The following RABL6 variants were observed in gnomAD, a reference collection of about 807,000 sequenced individuals.
RABL6 encodes rab-like protein 6.
A neutral mutation model predicts 72.9 loss-of-function variants in RABL6; 28 were observed. The ratio of observed to expected loss-of-function variants is 0.38; its 90% CI spans 0.28 to 0.53. The LOEUF (loss-of-function observed/expected upper bound fraction) is 0.53, where lower values mean the gene tolerates loss of function less well. Among genes scored for constraint, RABL6 ranks in the 20% least tolerant of loss-of-function variants. The pLI is 0.80. For missense variants in RABL6, 1,029 were observed against 1,008.4 expected, an observed-to-expected ratio of 1.02 and a Z score of -0.28; for synonymous variants, 477 against 421.2, an observed-to-expected ratio of 1.13 and a Z score of -1.62.
Position 136,808,259 on chromosome 9 carries a change from C to T in RABL6, c.63C>T (p.Ile21=). ...AGGCCCCGGGCCGGGACAAGAACAT[C>T]CCCGCCGGGCTGCAGTCCATGAACC... is the stretch of plus-strand genomic sequence containing the variant. ...SDQAPGRDKN[I]PAGLQSMNQA... is the part of the protein sequence containing the mutation. Residue 21 remains isoleucine (I), a synonymous_variant, in exon 1 of 15, where the codon ATC becomes ATT. Coordinates refer to ENST00000311502, the MANE Select transcript of RABL6 (RefSeq NM_024718.5). The T allele has an allele frequency of 6.4e-7, 1 of 1,565,882 alleles. No individual in the cohort carries two copies. Among genetic ancestry groups the T allele is most frequent in the Non-Finnish European group, 8.6e-7 (1 of 1,157,526 alleles).
In RABL6 at chr9:136,838,935, C is replaced by T. The variant is rs759508981; in HGVS notation, c.1307C>T (p.Pro436Leu). ...DSDGEALGGN[P>L]MVAGFQDDVD... ...GATGGGGAGGCCCTGGGCGGCAACCCGATGGTGGCAGGGTTCCAGGACGAT... is the reference window on the plus strand; with the variant it reads ...GATGGGGAGGCCCTGGGCGGCAACCTGATGGTGGCAGGGTTCCAGGACGAT... The change falls in exon 11 of 15, where the codon CCG becomes CTG. Residue 436 changes from proline to leucine, a missense_variant. Pro to Leu is a moderately conservative substitution (Grantham distance 98). Transcript: ENST00000311502. 5.1e-5 allele frequency: 82 copies of T among 1,604,266 alleles called. No individual in the cohort carries two copies. The highest frequency in any genetic ancestry group is 1.8e-4 in the Middle Eastern group (1 of 5,696).
chr9:136,813,171 T>TG, intron 1 of RABL6: 1 of 473,018 alleles, frequency 2.1e-6, no homozygotes, highest in South Asian at 1.9e-5. Flanking sequence ...GGCTGGCTCC[T>TG]GGCATCAGGT....
At chr9:136,837,238 C>A in intron 8 of RABL6, 108 bp from the exon 9 acceptor site, 1 of 1,281,258 alleles carries the variant, frequency 7.8e-7, no homozygotes, top group Non-Finnish European at 1.1e-6. Flanking sequence ...GCCCAGAACA[C>A]AGTGGCTCTT....
At chr9:136,830,375 C>G (rs1442965035) in intron 5 of RABL6, among the ~76,000 whole-genome samples, 2 of 152,280 alleles carry the variant, frequency 1.3e-5, no homozygotes, top group Non-Finnish European at 2.9e-5. Flanking sequence ...TGCTGGGAAC[C>G]ATGCCTGCCC....
intron 1 of RABL6, chr9:136,810,030 G>C (rs1847973886): frequency 6.6e-6 from 1 of 152,230 alleles, no homozygotes; most frequent in Admixed American, 6.5e-5. Flanking sequence ...AATAAAAGCT[G>C]ATTTTAAATG....
Position 136,840,521 on chromosome 9 carries a change from A to AGGCC in RABL6, c.*3_*6dup, listed in dbSNP as rs896514307. Reference sequence around the variant, plus strand: ...GGGGGTGGCGACTACGAGGAGCTCTAGGCCGGCGTGGGCAGTGGCCGCCCT... The same window carrying AGGCC: ...GGGGGTGGCGACTACGAGGAGCTCTAGGCCGGCCGGCGTGGGCAGTGGCCGCCCT... On this transcript the variant is annotated frameshift_variant and stop_retained_variant, in exon 15 of 15. Transcript: ENST00000311502. LOFTEE classifies it high-confidence loss of function. 8 of 1,541,228 alleles carry AGGCC rather than the reference A, an allele frequency of 5.2e-6. No individual in the cohort carries two copies. The Admixed American group carries it at 1.0e-4, about 19-fold the overall frequency.
At chr9:136,828,661 G>T in intron 4 of RABL6, 115 bp downstream of exon 4, 1 of 1,099,592 alleles carries the variant, frequency 9.1e-7, no homozygotes, top group East Asian at 2.5e-5. Context: ...CTGTGGCCAC[G>T]GGGGCCGCTG....
intron 6 of RABL6, 91 bp downstream of exon 6, chr9:136,831,952 A>T: frequency 6.8e-7 from 1 of 1,473,684 alleles, no homozygotes; most frequent in East Asian, 2.4e-5. Context: ...GGAGGGGTTA[A>T]CGTTAGCATG....
At chr9:136,833,690 G>A (rs1428145859) in intron 7 of RABL6, 2 of 1,548,896 alleles carry the variant, frequency 1.3e-6, no homozygotes, top group East Asian at 2.4e-5. Flanking sequence ...GGGCCCAGCT[G>A]CAGCTGCAGC....
At chr9:136,811,694 C>T (rs930872333) in intron 1 of RABL6, among the ~76,000 whole-genome samples, 3 of 152,054 alleles carry the variant, frequency 2.0e-5, no homozygotes, top group South Asian at 2.1e-4. Flanking sequence ...GGTTTCACCA[C>T]GTTGCCCAGC....
In RABL6 at chr9:136,839,681, CT is replaced by C. The variant is rs1564374057; in HGVS notation, c.1759-12del. The C allele has an allele frequency of 6.4e-7, 1 of 1,570,232 alleles. No individual in the cohort carries two copies. Among genetic ancestry groups the C allele is most frequent in the Admixed American group, 1.7e-5 (1 of 57,148 alleles). On this transcript the variant is annotated splice_polypyrimidine_tract_variant and intron_variant, in intron 12 of 14. Coordinates refer to ENST00000311502, the MANE Select transcript of RABL6 (RefSeq NM_024718.5). ...AGGGATGATGGCCTGACCAGTTGCT[CT>C]CCCTGCTCCAGGATGACTTTCCCGT... is the stretch of plus-strand genomic sequence containing the variant.
chr9:136,838,681 CCACT>C (rs1848627797), intron 10 of RABL6, among the ~76,000 whole-genome samples: 1 of 152,246 alleles, frequency 6.6e-6, no homozygotes, highest in Non-Finnish European at 1.5e-5. Flanking sequence ...CATCCTTCAC[CCACT>C]GAGCGGCCGC....
At chr9:136,818,191 G>A (rs1406611533) in intron 1 of RABL6, among the ~76,000 whole-genome samples, 4 of 148,534 alleles carry the variant, frequency 2.7e-5, no homozygotes, top group Non-Finnish European at 5.9e-5. Flanking sequence ...GTGAAACCTC[G>A]TCTCTACTAA....
At chr9:136,810,322 A>G (rs1286899943) in intron 1 of RABL6, among the ~76,000 whole-genome samples, 2 of 152,148 alleles carry the variant, frequency 1.3e-5, no homozygotes, top group Non-Finnish European at 2.9e-5. Flanking sequence ...AAAAAGGGCA[A>G]TGGGGTCCTT....
chr9:136,820,626 C>T (rs1848217255), intron 1 of RABL6, among the ~76,000 whole-genome samples: 1 of 152,160 alleles, frequency 6.6e-6, no homozygotes, highest in South Asian at 2.1e-4. Flanking sequence ...CCGCCTCGGC[C>T]TCCCAAAGTG....
At chr9:136,833,354 G>A (rs1249325574) in intron 7 of RABL6, 12 of 351,670 alleles carry the variant, frequency 3.4e-5, no homozygotes, top group South Asian at 8.4e-5. Flanking sequence ...GGGCTGCCCC[G>A]CCTGGGTCTG....
chr9:136,839,870 G>GT lies in RABL6; in HGVS notation c.1930+6dup, dbSNP rs771089823. On this transcript the variant is annotated splice_donor_region_variant and intron_variant, in intron 13 of 14. Transcript: ENST00000311502. The stretch of plus-strand genomic sequence containing the variant: ...CCAAGGAGAGCAGTGAGGAAGGTGG[G>GT]TGGGGGCACCAGAGTGCGGTCAGCC... 31 of 1,610,620 alleles carry GT rather than the reference G, an allele frequency of 1.9e-5. No individual in the cohort carries two copies. Among genetic ancestry groups the GT allele is most frequent in the South Asian group, 9.9e-5 (9 of 90,900 alleles).
chr9:136,828,253 A>G, intron 3 of RABL6: 2 of 514,704 alleles, frequency 3.9e-6, no homozygotes, highest in Non-Finnish European at 7.0e-6. Context: ...TGAGCCTGTC[A>G]GCCCCAACTA....
chr9:136,824,511 A>G (rs1848311135), intron 2 of RABL6, among the ~76,000 whole-genome samples: 1 of 151,362 alleles, frequency 6.6e-6, no homozygotes, highest in Non-Finnish European at 1.5e-5. Flanking sequence ...TTGTATTTTT[A>G]GTAGAGACGG....
Sources: allele counts gnomAD v4.1 joint callset (sites outside exome capture counted in the v4.1 genomes callset), GRCh38; gene constraint gnomAD v4.1.1; transcripts MANE v1.5; gene names NCBI Gene and HGNC (gene_info 2026-07-23, HGNC 2026-07-21).